The following CLNS1A variants were observed in gnomAD, a reference collection of about 807,000 sequenced individuals.
CLNS1A encodes methylosome subunit pICln.
Under a neutral mutation model 29.4 loss-of-function variants are expected in CLNS1A, and 16 were observed. The ratio of observed to expected loss-of-function variants is 0.54; its 90% confidence interval spans 0.37 to 0.83. The LOEUF is 0.83. Ranked by LOEUF, CLNS1A falls within the 40% of genes least tolerant of loss-of-function variation. The pLI is 0.00. For synonymous variants in CLNS1A, 96 were observed against 104.8 expected (o/e 0.92, Z 0.51); for missense variants, 235 against 287.4 (o/e 0.82, Z 1.32).
rs1958901608 is a variant in CLNS1A at position 77,615,820 on chromosome 11, C to T, written c.*898G>A. 2 of 152,082 alleles carry T rather than the reference C, an allele frequency of 1.3e-5. No homozygotes were observed. The highest frequency in any genetic ancestry group is 1.3e-4 in the Admixed American group (2 of 15,262). 9.4% of individuals were successfully genotyped at this position (152,082 alleles called of 1,614,324 possible). On this transcript the variant is annotated 3_prime_UTR_variant, in exon 7 of 7. Transcript: ENST00000525428. The stretch of plus-strand genomic sequence containing the variant: ...GCTTGTATAACCTTATTTTTAAGGA[C>T]ACATAATGATTTCAAAAGTCCAAGT...
chr11:77,619,402 T>C (rs550202522), intron 6 of CLNS1A: 12 of 516,336 alleles, frequency 2.3e-5, no homozygotes, highest in African/African-American at 3.9e-5. Flanking sequence ...GTGGTAAGCA[T>C]GTGCCTATAG....
chr11:77,620,467 T>C (rs1362805222), intron 5 of CLNS1A, among the ~76,000 whole-genome samples: 1 of 152,186 alleles, frequency 6.6e-6, no homozygotes, highest in African/African-American at 2.4e-5. Flanking sequence ...TATGTCTTTA[T>C]CAGCAGTGTG....
chr11:77,621,573 G>T (rs1242751736), intron 5 of CLNS1A, among the ~76,000 whole-genome samples: 1 of 152,152 alleles, frequency 6.6e-6, no homozygotes, highest in East Asian at 1.9e-4. Flanking sequence ...AACCCAGGAG[G>T]CGGAGGTTGT....
Position 77,637,680 on chromosome 11 carries a change from G to T in CLNS1A, c.35C>A (p.Pro12Gln). The T allele has an allele frequency of 6.4e-7, 1 of 1,563,672 alleles. No homozygotes were observed. The highest frequency in any genetic ancestry group is 1.2e-5 in the South Asian group (1 of 84,950). Residue 12 changes from proline to glutamine, a missense_variant, in exon 1 of 7, where the codon CCA becomes CAA. Transcript: ENST00000525428. ...CTGCTGCCGCAGGAGCCCCTCCGCTGGCCCAGGCGGCGGGAAACTTTTGAG... is the reference window on the plus strand; with the variant it reads ...CTGCTGCCGCAGGAGCCCCTCCGCTTGCCCAGGCGGCGGGAAACTTTTGAG... ...SFLKSFPPPG[P>Q]AEGLLRQQPD...
At chr11:77,630,905 A>G (rs1448120262) in intron 1 of CLNS1A, among the ~76,000 whole-genome samples, 4 of 152,218 alleles carry the variant, frequency 2.6e-5, no homozygotes, top group Non-Finnish European at 4.4e-5. Context: ...AATGGTGGTG[A>G]TAATTGCACA....
In CLNS1A at chr11:77,616,565, G is replaced by C. The variant is rs1031995522; in HGVS notation, c.*153C>G. On this transcript the variant is annotated 3_prime_UTR_variant, in exon 7 of 7. Coordinates refer to ENST00000525428, the MANE Select transcript of CLNS1A (RefSeq NM_001293.3). ...ATCTATCTTCTGCTGGTGACAACTT[G>C]TTGTCTCAGTATAGTCTGTCTCAAG... 2.6e-5 allele frequency: 4 copies of C among 152,626 alleles called. No homozygotes were observed. Among genetic ancestry groups the C allele is most frequent in the Admixed American group, 1.3e-4 (2 of 15,270 alleles). The allele number at this position is 152,626 out of a possible 1,614,324, so 9.5% of individuals were successfully genotyped here. A position where few individuals can be genotyped will look rare whatever the true frequency, so the allele number is the denominator to read the frequency against.
In CLNS1A at chr11:77,629,596, G is replaced by A. The variant is rs1046733879; in HGVS notation, c.262+167C>T. Among the ~76,000 whole-genome samples, 5 of 152,164 alleles carry A rather than the reference G, an allele frequency of 3.3e-5. No individual in the cohort carries two copies. The South Asian group carries it at 6.2e-4, about 19-fold the overall frequency. ...TTTTTAGTAGAGACGGGTTTTCACC[G>A]TATTAGCCAGGATGGTCTCGATCTC... is the stretch of plus-strand genomic sequence containing the variant. On this transcript the variant is annotated intron_variant, in intron 2 of 6. Coordinates refer to ENST00000525428, the MANE Select transcript of CLNS1A (RefSeq NM_001293.3).
chr11:77,617,464 C>T (rs1958916187), intron 6 of CLNS1A, among the ~76,000 whole-genome samples: 1 of 150,942 alleles, frequency 6.6e-6, no homozygotes, highest in South Asian at 2.1e-4. Context: ...ATTGCTTGAA[C>T]CCGGGAGGCA....
chr11:77,631,472 C>A (rs1959074025), intron 1 of CLNS1A, among the ~76,000 whole-genome samples: 1 of 151,790 alleles, frequency 6.6e-6, no homozygotes, highest in Admixed American at 6.6e-5. Context: ...AGGCGCCCGC[C>A]ACCACACCCG....
At chr11:77,635,577 C>T (rs1959116986) in intron 1 of CLNS1A, among the ~76,000 whole-genome samples, 1 of 151,996 alleles carries the variant, frequency 6.6e-6, no homozygotes, top group Non-Finnish European at 1.5e-5. Flanking sequence ...TCTTGAACTC[C>T]TGTCATCAGG....
At chr11:77,618,996 T>C (rs1958931027) in intron 6 of CLNS1A, among the ~76,000 whole-genome samples, 1 of 152,132 alleles carries the variant, frequency 6.6e-6, no homozygotes, top group South Asian at 2.1e-4. Context: ...AACAATGCTA[T>C]AAGGTAGGAG....
rs1958895050 is a variant in CLNS1A at position 77,614,824 on chromosome 11, T to A, written c.*1894A>T. The A allele has an allele frequency of 6.6e-6, 1 of 152,198 alleles. No homozygotes were observed. Among genetic ancestry groups the A allele is most frequent in the Non-Finnish European group, 1.5e-5 (1 of 68,026 alleles). The allele number at this position is 152,198 out of a possible 1,614,324, so 9.4% of individuals were successfully genotyped here. A position where few individuals can be genotyped will look rare whatever the true frequency, so the allele number is the denominator to read the frequency against. On this transcript the variant is annotated 3_prime_UTR_variant, in exon 7 of 7. Transcript: ENST00000525428. Reference sequence around the variant, plus strand: ...AAAACAATTCCAGCAACCCTAAAATTAGGCTCAAATGAAATCAATAAATAT... The same window carrying A: ...AAAACAATTCCAGCAACCCTAAAATAAGGCTCAAATGAAATCAATAAATAT...
intron 5 of CLNS1A, 50 bp downstream of exon 5, chr11:77,622,450 T>C (rs1342607767): frequency 2.1e-6 from 3 of 1,401,604 alleles, no homozygotes; most frequent in South Asian, 2.8e-5. Context: ...TATCCATAAC[T>C]TATTGCCCAA....
At chr11:77,629,507 C>CCA (rs1959053248) in intron 2 of CLNS1A, among the ~76,000 whole-genome samples, 1 of 151,978 alleles carries the variant, frequency 6.6e-6, no homozygotes, top group East Asian at 1.9e-4. Context: ...CATTCTCCTG[C>CCA]CTCAGTCTCC....
intron 1 of CLNS1A, among the ~76,000 whole-genome samples, chr11:77,633,177 TC>T (rs1289067489): frequency 1.3e-5 from 2 of 150,966 alleles, no homozygotes; most frequent in Non-Finnish European, 3.0e-5. Flanking sequence ...ACAAATTAAA[TC>T]CTATTGCACA....
In CLNS1A at chr11:77,629,810, T is replaced by A; in HGVS notation, c.215A>T (p.Asp72Val). The change falls in exon 2 of 7, where the codon GAC becomes GTC. Residue 72 changes from aspartate to valine, a missense_variant. Coordinates refer to ENST00000525428, the MANE Select transcript of CLNS1A (RefSeq NM_001293.3). ...SLHALSRDRS[D>V]CLGEHLYVMV... ...AACATACAAATGCTCTCCTAGACAG[T>A]CACTTCGGTCCCTGGATAATGCATG... 6.2e-7 allele frequency: 1 copy of A among 1,613,626 alleles called. No homozygotes were observed. Among genetic ancestry groups the A allele is most frequent in the Non-Finnish European group, 8.5e-7 (1 of 1,179,942 alleles).
intron 6 of CLNS1A, among the ~76,000 whole-genome samples, chr11:77,617,747 C>A (rs913759809): frequency 1.2e-4 from 18 of 150,692 alleles, no homozygotes; most frequent in Non-Finnish European, 2.4e-4. Context: ...GTGAAACCCT[C>A]TCTCTACTAA....
At position 77,615,085 on chromosome 11, in the gene CLNS1A, T is replaced by G. The variant is rs562481080; in HGVS notation, c.*1633A>C. On this transcript the variant is annotated 3_prime_UTR_variant, in exon 7 of 7. Transcript: ENST00000525428. ...AACACCAACAAGAAACCAAGTACAC[T>G]CTGAATCTTCTCGACATTTTGCTAT... 6.6e-6 allele frequency: 1 copy of G among 152,324 alleles called. No individual in the cohort carries two copies. The highest frequency in any genetic ancestry group is 2.1e-4 in the South Asian group (1 of 4,824). The allele number at this position is 152,324 out of a possible 1,614,324, so 9.4% of individuals were successfully genotyped here. A position where few individuals can be genotyped will look rare whatever the true frequency, so the allele number is the denominator to read the frequency against.
Position 77,637,656 on chromosome 11 carries a change from T to G in CLNS1A, c.59A>C (p.Gln20Pro). ...PGPAEGLLRQ[Q>P]PDTEAVLNGK... ...GTTCAGCACAGCCTCAGTGTCTGGC[T>G]GCTGCCGCAGGAGCCCCTCCGCTGG... The change falls in exon 1 of 7, where the codon CAG (glutamine) becomes CCG (proline). Residue 20 changes from glutamine to proline, a missense_variant. Gln to Pro is a moderately conservative substitution (Grantham distance 76). Coordinates refer to ENST00000525428, the MANE Select transcript of CLNS1A (RefSeq NM_001293.3). 6.3e-7 allele frequency: 1 copy of G among 1,578,048 alleles called. No individual in the cohort carries two copies. The highest frequency in any genetic ancestry group is 8.6e-7 in the Non-Finnish European group (1 of 1,162,488).
Sources: gnomAD v4.1 joint callset for allele counts (sites outside exome capture counted in the v4.1 genomes callset) on GRCh38, gnomAD v4.1.1 for gene constraint, MANE v1.5 for transcripts, NCBI Gene and HGNC (gene_info 2026-07-23, HGNC 2026-07-21) for gene names.